SMIM14: variants seen among roughly 807,000 people sequenced by gnomAD.
SMIM14 encodes chromosome 4 open reading frame 34.
SMIM14 carries 5 observed loss-of-function variants against 12.6 expected under a neutral mutation model. The observed-to-expected ratio is 0.40, with a 90% CI of 0.21 to 0.83. The LOEUF (loss-of-function observed/expected upper bound fraction) is 0.83, where lower values mean the gene tolerates loss of function less well. Ranked by LOEUF, SMIM14 falls within the 40% of genes least tolerant of loss-of-function variation. The pLI, the probability that SMIM14 is intolerant of heterozygous loss-of-function variation, is 0.37. For synonymous variants in SMIM14, 30 were observed against 40.1 expected, an observed-to-expected ratio of 0.75 and a Z score of 0.95; for missense variants, 86 against 119.1, an observed-to-expected ratio of 0.72 and a Z score of 1.29.
At chr4:39,565,637 G>C (rs953193602) in intron 3 of SMIM14, among the ~76,000 whole-genome samples, 1 of 152,064 alleles carries the variant, frequency 6.6e-6, no homozygotes. Context: ...GAAGAGTTCT[G>C]AGCAAAATGC....
Position 39,560,358 on chromosome 4 carries a change from G to C in SMIM14, c.125-3788C>G, listed in dbSNP as rs192244672. Among the ~76,000 whole-genome samples, 1,056 of 148,508 alleles carry C rather than the reference G, an allele frequency of 7.1e-3. 20 individuals are homozygous for C. Among genetic ancestry groups the C allele is most frequent in the African/African-American group, 0.025 (991 of 40,324 alleles). On this transcript the variant is annotated intron_variant, in intron 3 of 4. Coordinates refer to ENST00000295958, the MANE Select transcript of SMIM14 (RefSeq NM_174921.3). Reference sequence around the variant, plus strand: ...TGCCTCCTGGGTTTTATTTGTAGTAGAGCTGGGATTTCACCATGTTGGCCA... The same window carrying C: ...TGCCTCCTGGGTTTTATTTGTAGTACAGCTGGGATTTCACCATGTTGGCCA...
At chr4:39,602,203 C>T (rs1490227378) in intron 2 of SMIM14, among the ~76,000 whole-genome samples, 4 of 150,384 alleles carry the variant, frequency 2.7e-5, no homozygotes, top group Non-Finnish European at 4.4e-5. Flanking sequence ...GCGCAGAGAT[C>T]GTGCCACTGC....
At chr4:39,636,002 G>A (rs1271620210) in intron 1 of SMIM14, among the ~76,000 whole-genome samples, 1 of 151,800 alleles carries the variant, frequency 6.6e-6, no homozygotes, top group Non-Finnish European at 1.5e-5. Flanking sequence ...GTGAAACCCC[G>A]TCTCTACTAA....
In SMIM14 at chr4:39,564,649, GC is replaced by G. The variant is rs547626624; in HGVS notation, c.124+7765del. On this transcript the variant is annotated intron_variant, in intron 3 of 4. Coordinates refer to ENST00000295958, the MANE Select transcript of SMIM14 (RefSeq NM_174921.3). ...TAGATAAAGATAACCTGAATGGAAA[GC>G]ATCCTCTCTTTTGTTTAAAGGATTC... 5.9e-5 allele frequency among the ~76,000 whole-genome samples: 9 copies of G among 152,264 alleles called. No homozygotes were observed. The East Asian group carries it at 1.7e-3, about 29-fold the overall frequency.
At position 39,549,611 on chromosome 4, in the gene SMIM14, T is replaced by G. The variant is rs1711565140; in HGVS notation, c.*2515A>C. On this transcript the variant is annotated 3_prime_UTR_variant, in exon 5 of 5. Coordinates refer to ENST00000295958, the MANE Select transcript of SMIM14 (RefSeq NM_174921.3). ...TTTCAATTATTTGTGAGCCATAGAT[T>G]CAGTGACTACATCAATATCTCTTGC... The G allele has an allele frequency of 6.6e-6, 1 of 152,124 alleles. No homozygotes were observed. Among genetic ancestry groups the G allele is most frequent in the African/African-American group, 2.4e-5 (1 of 41,420 alleles). 9.4% of individuals were successfully genotyped at this position (152,124 alleles called of 1,614,324 possible). A position where few individuals can be genotyped will look rare whatever the true frequency, so the allele number is the denominator to read the frequency against.
At chr4:39,567,143 GAAAAAAAAAA>G (rs1168446466) in intron 3 of SMIM14, among the ~76,000 whole-genome samples, 3 of 72,092 alleles carry the variant, frequency 4.2e-5, no homozygotes, top group Non-Finnish European at 8.3e-5. Context: ...CTCAAAAAAA[GAAAAAAAAAA>G]AAAAAAAAAA....
At chr4:39,617,131 A>AGTT (rs1715255329) in intron 1 of SMIM14, among the ~76,000 whole-genome samples, 4 of 152,168 alleles carry the variant, frequency 2.6e-5, no homozygotes, top group Non-Finnish European at 5.9e-5. Context: ...ATATGTACAA[A>AGTT]ATTACATACA....
intron 3 of SMIM14, among the ~76,000 whole-genome samples, chr4:39,568,777 G>A (rs1029439753): frequency 1.9e-4 from 29 of 152,040 alleles, no homozygotes; most frequent in Non-Finnish European, 2.6e-4. Flanking sequence ...AGAAAATTTA[G>A]AATATAAGAA....
intron 2 of SMIM14, among the ~76,000 whole-genome samples, chr4:39,581,873 CTT>C (rs200459196): frequency 3.2e-4 from 43 of 135,290 alleles, no homozygotes; most frequent in East Asian, 8.8e-4. Flanking sequence ...AATGTCTTTT[CTT>C]TTTTTTTTTT....
intron 3 of SMIM14, among the ~76,000 whole-genome samples, chr4:39,560,153 T>G (rs1712227903): frequency 6.6e-6 from 1 of 151,808 alleles, no homozygotes; most frequent in Admixed American, 6.6e-5. Flanking sequence ...ACAAACACTT[T>G]CTTCCATTGT....
intron 2 of SMIM14, among the ~76,000 whole-genome samples, chr4:39,577,412 G>A (rs1713260825): frequency 6.8e-6 from 1 of 147,420 alleles, no homozygotes; most frequent in Non-Finnish European, 1.5e-5. Context: ...CTGCTGGGCA[G>A]ACAGGAGCCC....
intron 1 of SMIM14, among the ~76,000 whole-genome samples, chr4:39,619,665 A>G (rs1329854460): frequency 1.7e-5 from 2 of 117,564 alleles, no homozygotes; most frequent in African/African-American, 7.0e-5. Context: ...TCTATATATC[A>G]ATAAATATAA....
rs71192880 is a variant in SMIM14, at chr4:39,595,608, AT to A, written c.75+9462del. Among the ~76,000 whole-genome samples, 507 of 135,506 alleles carry A rather than the reference AT, an allele frequency of 3.7e-3. 1 individual carries two copies. Among genetic ancestry groups the A allele is most frequent in the African/African-American group, 0.01 (360 of 35,916 alleles). The allele number at this position is 135,506 out of a possible 152,430, so 88.9% of individuals were successfully genotyped here. The stretch of plus-strand genomic sequence containing the variant: ...AATGAAAACGTTTTCTGTAACTACG[AT>A]TTTTTTTTTTTTTTTTTGAGACAGA... On this transcript the variant is annotated intron_variant, in intron 2 of 4. Transcript: ENST00000295958.
chr4:39,578,419 T>C (rs1478070158), intron 2 of SMIM14, among the ~76,000 whole-genome samples: 2 of 152,200 alleles, frequency 1.3e-5, no homozygotes, highest in Admixed American at 6.5e-5. Flanking sequence ...ACCACTGATG[T>C]TGATTTTGTC....
chr4:39,573,328 C>A (rs776723640), intron 2 of SMIM14, among the ~76,000 whole-genome samples: 2 of 151,852 alleles, frequency 1.3e-5, no homozygotes, highest in Admixed American at 6.6e-5. Context: ...GAACTCCTGA[C>A]CTAAAGTGAT....
At chr4:39,568,043 G>A (rs181808420) in intron 3 of SMIM14, among the ~76,000 whole-genome samples, 142 of 152,034 alleles carry the variant, frequency 9.3e-4, no homozygotes, top group African/African-American at 3.2e-3. Context: ...TTTGGGAGGC[G>A]GAGGTGGGTG....
chr4:39,619,136 G>A (rs1055551546), intron 1 of SMIM14, among the ~76,000 whole-genome samples: 4 of 148,630 alleles, frequency 2.7e-5, no homozygotes, highest in Non-Finnish European at 5.9e-5. Flanking sequence ...AAATATATAT[G>A]AGAAAATTGA....
At chr4:39,620,427 C>T (rs549367049) in intron 1 of SMIM14, among the ~76,000 whole-genome samples, 5 of 151,852 alleles carry the variant, frequency 3.3e-5, no homozygotes, top group South Asian at 4.2e-4. Context: ...TGCAGTGAGC[C>T]GGAGATCGCG....
chr4:39,591,771 G>A (rs555637367), intron 2 of SMIM14, among the ~76,000 whole-genome samples: 50 of 152,138 alleles, frequency 3.3e-4, no homozygotes, highest in African/African-American at 1.2e-3. Context: ...TCACCATGTT[G>A]GCCAGGTTGG....
Sources: gnomAD v4.1 joint callset for allele counts (sites outside exome capture counted in the v4.1 genomes callset) on GRCh38, gnomAD v4.1.1 for gene constraint, MANE v1.5 for transcripts, NCBI Gene and HGNC (gene_info 2026-07-23, HGNC 2026-07-21) for gene names.